SEZ6L: variants seen among roughly 807,000 people sequenced by gnomAD.
SEZ6L encodes the protein seizure related 6 homolog like.
In SEZ6L, 37 loss-of-function variants were observed where a neutral mutation model predicts 106.2. The observed-to-expected ratio is 0.35, with a 90% CI of 0.27 to 0.46. The LOEUF (loss-of-function observed/expected upper bound fraction) is 0.46. Among genes scored for constraint, SEZ6L ranks in the 20% least tolerant of loss-of-function variants. The pLI is 1.00. For missense variants in SEZ6L, 1,172 were observed against 1,332.8 expected (o/e 0.88, Z 1.88); for synonymous variants, 541 against 570.4 (o/e 0.95, Z 0.73).
At position 26,382,665 on chromosome 22, in the gene SEZ6L, T is replaced by A. The variant is rs1254717874; in HGVS notation, c.*2370T>A. On this transcript the variant is annotated 3_prime_UTR_variant, in exon 17 of 17. Coordinates refer to ENST00000248933, the MANE Select transcript of SEZ6L (RefSeq NM_021115.5). Reference sequence around the variant, plus strand: ...CATACGAGTTCAACAATGTACAGTGTGATTGAAAAGACAGGTTGGTGTCTA... The same window carrying A: ...CATACGAGTTCAACAATGTACAGTGAGATTGAAAAGACAGGTTGGTGTCTA... 2 of 152,196 alleles carry A rather than the reference T, an allele frequency of 1.3e-5. No homozygotes were observed. The highest frequency in any genetic ancestry group is 4.8e-5 in the African/African-American group (2 of 41,448). 9.4% of individuals were successfully genotyped at this position (152,196 alleles called of 1,614,324 possible). A position where few individuals can be genotyped will look rare whatever the true frequency, so the allele number is the denominator to read the frequency against.
intron 9 of SEZ6L, among the ~76,000 whole-genome samples, chr22:26,324,578 G>A (rs1162758645): frequency 6.6e-6 from 1 of 152,206 alleles, no homozygotes; most frequent in Non-Finnish European, 1.5e-5. Flanking sequence ...TTCAGGAGTT[G>A]AGGACAACGT....
At chr22:26,356,198 A>G (rs879781824) in intron 12 of SEZ6L, among the ~76,000 whole-genome samples, 5 of 152,204 alleles carry the variant, frequency 3.3e-5, no homozygotes, top group Non-Finnish European at 7.3e-5. Flanking sequence ...AGGCCAAAAT[A>G]CCATTTCCAT....
chr22:26,339,959 G>A (rs976953908), intron 9 of SEZ6L, among the ~76,000 whole-genome samples: 1 of 152,156 alleles, frequency 6.6e-6, no homozygotes, highest in African/African-American at 2.4e-5. Context: ...TGACGGCCGG[G>A]CACAGTGACT....
intron 1 of SEZ6L, among the ~76,000 whole-genome samples, chr22:26,197,926 A>G (rs1187106497): frequency 1.3e-5 from 2 of 152,122 alleles, no homozygotes; most frequent in Non-Finnish European, 2.9e-5. Context: ...CTTTACTTGC[A>G]TGGAATTCCT....
intron 9 of SEZ6L, among the ~76,000 whole-genome samples, chr22:26,337,367 A>G (rs1601537105): frequency 6.6e-6 from 1 of 152,238 alleles, no homozygotes; most frequent in East Asian, 1.9e-4. Context: ...TAAAGCCAAG[A>G]TGTGCATTGT....
At chr22:26,371,517 C>T (rs2084035643) in intron 13 of SEZ6L, among the ~76,000 whole-genome samples, 2 of 152,028 alleles carry the variant, frequency 1.3e-5, no homozygotes, top group African/African-American at 4.8e-5. Context: ...CCTGTAATCC[C>T]AGCTACTTGG....
intron 1 of SEZ6L, among the ~76,000 whole-genome samples, chr22:26,170,257 G>A (rs1476128540): frequency 6.6e-6 from 1 of 151,992 alleles, no homozygotes; most frequent in Admixed American, 6.5e-5. Flanking sequence ...TGACTCCTTT[G>A]GTTCAGGCTA....
intron 9 of SEZ6L, among the ~76,000 whole-genome samples, chr22:26,323,492 G>A (rs12159313): frequency 2.6e-5 from 4 of 152,250 alleles, no homozygotes; most frequent in African/African-American, 9.6e-5. Flanking sequence ...AATTAGCCAG[G>A]CATGGTGGCT....
intron 1 of SEZ6L, among the ~76,000 whole-genome samples, chr22:26,215,115 C>G (rs530823116): frequency 6.6e-6 from 1 of 152,110 alleles, no homozygotes; most frequent in Non-Finnish European, 1.5e-5. Flanking sequence ...TGGTTAGAAG[C>G]GAAGACCGAA....
chr22:26,192,756 C>T (rs1940318131), intron 1 of SEZ6L, among the ~76,000 whole-genome samples: 1 of 152,184 alleles, frequency 6.6e-6, no homozygotes, highest in African/African-American at 2.4e-5. Flanking sequence ...AGTCTTTTAA[C>T]ATCCCTCCTG....
In SEZ6L at chr22:26,222,390, G is replaced by A. The variant is rs553194896; in HGVS notation, c.94+52627G>A. Among the ~76,000 whole-genome samples the A allele has an allele frequency of 2.3e-4, 35 of 152,316 alleles. No homozygotes were observed. In the South Asian group the frequency reaches 6.2e-3, roughly 27 times the overall value. On this transcript the variant is annotated intron_variant, in intron 1 of 16. Coordinates refer to ENST00000248933, the MANE Select transcript of SEZ6L (RefSeq NM_021115.5). ...CAGTGACAGGGCTGAAACACAAACCGAAGACCTCACTGGCCAGCTGCCTTT... is the reference window on the plus strand; with the variant it reads ...CAGTGACAGGGCTGAAACACAAACCAAAGACCTCACTGGCCAGCTGCCTTT...
chr22:26,370,697 G>GAA (rs111967410), intron 13 of SEZ6L, among the ~76,000 whole-genome samples: 6 of 142,236 alleles, frequency 4.2e-5, no homozygotes, highest in African/African-American at 1.5e-4. Flanking sequence ...TTGTTTTACA[G>GAA]AAAAAAAAAA....
intron 1 of SEZ6L, among the ~76,000 whole-genome samples, chr22:26,173,037 C>T (rs1033726641): frequency 6.6e-6 from 1 of 152,154 alleles, no homozygotes; most frequent in African/African-American, 2.4e-5. Flanking sequence ...AGGCCAGCTC[C>T]ATTGTCTATT....
chr22:26,184,074 C>T (rs1939601418), intron 1 of SEZ6L, among the ~76,000 whole-genome samples: 1 of 152,114 alleles, frequency 6.6e-6, no homozygotes, highest in Non-Finnish European at 1.5e-5. Context: ...TTTTATTTAT[C>T]CTGACATTGA....
intron 9 of SEZ6L, among the ~76,000 whole-genome samples, chr22:26,335,300 CCT>C (rs1408908400): frequency 6.6e-6 from 1 of 152,088 alleles, no homozygotes; most frequent in Non-Finnish European, 1.5e-5. Flanking sequence ...TTATTTTTTT[CCT>C]CTGGGTGAAA....
intron 1 of SEZ6L, among the ~76,000 whole-genome samples, chr22:26,226,987 A>G (rs1268745794): frequency 2.6e-5 from 4 of 152,286 alleles, no homozygotes; most frequent in Non-Finnish European, 4.4e-5. Context: ...GCTTTGGTCC[A>G]CGTACCACAG....
rs2145885705 is a variant in SEZ6L, at chr22:26,293,412, C to A, written c.835+266C>A. Among the ~76,000 whole-genome samples the A allele has an allele frequency of 3.3e-5, 5 of 152,358 alleles. No individual in the cohort carries two copies. In the South Asian group the frequency reaches 1.0e-3, roughly 32 times the overall value. On this transcript the variant is annotated intron_variant, in intron 2 of 16. Coordinates refer to ENST00000248933, the MANE Select transcript of SEZ6L (RefSeq NM_021115.5). ...ATGGCACGATCATAGCTCACTGCAG[C>A]CTCAAACTCCTGTGCTCAAGTGATC... is the stretch of plus-strand genomic sequence containing the variant.
At chr22:26,185,680 A>G (rs1028165442) in intron 1 of SEZ6L, among the ~76,000 whole-genome samples, 2 of 152,136 alleles carry the variant, frequency 1.3e-5, no homozygotes, top group African/African-American at 4.8e-5. Flanking sequence ...TATGTCCACC[A>G]TTTATATGCC....
chr22:26,290,762 A>G (rs2081084179), intron 1 of SEZ6L, among the ~76,000 whole-genome samples: 1 of 152,150 alleles, frequency 6.6e-6, no homozygotes, highest in Admixed American at 6.5e-5. Flanking sequence ...TACCAGCTTT[A>G]TCCCCCGTAC....
Sources: gnomAD v4.1 joint callset for allele counts (sites outside exome capture counted in the v4.1 genomes callset) on GRCh38, gnomAD v4.1.1 for gene constraint, MANE v1.5 for transcripts, NCBI Gene and HGNC (gene_info 2026-07-23, HGNC 2026-07-21) for gene names.